The following MAPKAP1 variants were observed in gnomAD, a reference collection of about 807,000 sequenced individuals.
The protein encoded by MAPKAP1 is MAPK associated protein 1.
A neutral mutation model predicts 65.7 loss-of-function variants in MAPKAP1; 20 were observed. That is an observed-to-expected ratio of 0.30 (90% confidence interval 0.21 to 0.44). The LOEUF (loss-of-function observed/expected upper bound fraction) is 0.44, where lower values mean the gene tolerates loss of function less well. Among genes scored for constraint, MAPKAP1 ranks in the 20% least tolerant of loss-of-function variants. The pLI is 1.00. For missense variants in MAPKAP1, 423 were observed against 648.0 expected, an observed-to-expected ratio of 0.65 and a Z score of 3.77; for synonymous variants, 222 against 244.3, an observed-to-expected ratio of 0.91 and a Z score of 0.85.
At chr9:125,484,817 G>A (rs969795596) in intron 8 of MAPKAP1, among the ~76,000 whole-genome samples, 3 of 152,152 alleles carry the variant, frequency 2.0e-5, no homozygotes, top group East Asian at 3.8e-4. Flanking sequence ...CAGCAGGGAT[G>A]CAAGGATAAA....
At position 125,548,441 on chromosome 9, in the gene MAPKAP1, G is replaced by A. The variant is rs1830492440; in HGVS notation, c.849-5273C>T. On this transcript the variant is annotated intron_variant, in intron 6 of 11. Transcript: ENST00000265960. ...ATCATTTAGCTCTAAACCATGCTAG[G>A]AGAGACGGTGGCAGCACCAGAAGGC... is the stretch of plus-strand genomic sequence containing the variant. Among the ~76,000 whole-genome samples the A allele has an allele frequency of 3.9e-5, 6 of 152,216 alleles. No individual in the cohort carries two copies. In the South Asian group the frequency reaches 1.2e-3, roughly 32 times the overall value.
chr9:125,530,293 T>C (rs1219828069), intron 7 of MAPKAP1, among the ~76,000 whole-genome samples: 1 of 152,236 alleles, frequency 6.6e-6, no homozygotes, highest in East Asian at 1.9e-4. Flanking sequence ...AGACTCTTCA[T>C]GGAGGCTGGA....
chr9:125,601,075 T>A (rs958778799), intron 4 of MAPKAP1, among the ~76,000 whole-genome samples: 1 of 152,162 alleles, frequency 6.6e-6, no homozygotes, highest in Non-Finnish European at 1.5e-5. Context: ...CATAATATAA[T>A]GAGTCTTGAA....
intron 1 of MAPKAP1, among the ~76,000 whole-genome samples, chr9:125,679,324 A>G (rs1162693596): frequency 1.3e-5 from 2 of 152,122 alleles, no homozygotes; most frequent in African/African-American, 2.4e-5. Flanking sequence ...TTAAAAGCCT[A>G]TTGTACTCAT....
chr9:125,577,972 G>A (rs1251118235), intron 5 of MAPKAP1, among the ~76,000 whole-genome samples: 6 of 151,840 alleles, frequency 4.0e-5, no homozygotes, highest in East Asian at 2.0e-4. Flanking sequence ...TGACAATGGC[G>A]GTTTTGTGGA....
rs780500354 is a variant in MAPKAP1, at chr9:125,576,480, CTCTCCCTCTCCCTCTCCCTCTCCCCACGG to C, written c.671+9046_671+9074del. ...ATTTTTTTAAAAAAACGAAGCATAG[CTCTCCCTCTCCCTCTCCCTCTCCCCACGG>C]TCTCCCTCTCCCTCTCCCCACGGTC... On this transcript the variant is annotated intron_variant, in intron 5 of 11. Transcript: ENST00000265960. Among the ~76,000 whole-genome samples, 500 of 148,838 alleles carry C rather than the reference CTCTCCCTCTCCCTCTCCCTCTCCCCACGG, an allele frequency of 3.4e-3. 2 individuals carry two copies. Among genetic ancestry groups the C allele is most frequent in the Middle Eastern group, 6.9e-3 (2 of 288 alleles).
chr9:125,458,259 C>T (rs1026228029), intron 10 of MAPKAP1, among the ~76,000 whole-genome samples: 2 of 145,766 alleles, frequency 1.4e-5, no homozygotes, highest in South Asian at 2.3e-4. Context: ...GGGTGTTTCT[C>T]GCAGAGTGGG....
chr9:125,565,596 C>A, intron 5 of MAPKAP1: 1 of 331,520 alleles, frequency 3.0e-6, no homozygotes, highest in South Asian at 2.6e-5. Context: ...ATGAGGATTG[C>A]AGCTCAGAAG....
intron 7 of MAPKAP1, among the ~76,000 whole-genome samples, chr9:125,536,585 T>TATTCATTCATTCATTCATTCATTCATTC (rs6151178): frequency 5.3e-5 from 8 of 151,612 alleles, no homozygotes; most frequent in African/African-American, 9.7e-5. Flanking sequence ...ATTTTCCATT[T>TATTCATTCATTCATTCATTCATTCATTC]ATTCATTCAT....
chr9:125,545,567 A>T (rs1830398935), intron 6 of MAPKAP1, among the ~76,000 whole-genome samples: 1 of 152,226 alleles, frequency 6.6e-6, no homozygotes, highest in Non-Finnish European at 1.5e-5. Flanking sequence ...GAACTACTGT[A>T]GATTTCAGTC....
intron 5 of MAPKAP1, among the ~76,000 whole-genome samples, chr9:125,564,220 A>G (rs934303567): frequency 3.9e-5 from 6 of 152,264 alleles, no homozygotes; most frequent in African/African-American, 1.4e-4. Flanking sequence ...TAGTCCATCA[A>G]GATATGAATA....
intron 7 of MAPKAP1, among the ~76,000 whole-genome samples, chr9:125,525,799 A>G (rs1183995200): frequency 1.3e-5 from 2 of 152,088 alleles, no homozygotes; most frequent in South Asian, 4.1e-4. Context: ...AGTTAAGGCT[A>G]TCAACCAGAA....
intron 4 of MAPKAP1, among the ~76,000 whole-genome samples, chr9:125,625,247 TAAA>T (rs1833072569): frequency 8.9e-5 from 1 of 11,194 alleles, no homozygotes; most frequent in Non-Finnish European, 2.3e-4. Context: ...AAAAAAAAAA[TAAA>T]TAAATAAAAA....
intron 1 of MAPKAP1, among the ~76,000 whole-genome samples, chr9:125,679,211 A>G (rs2131818489): frequency 6.6e-6 from 1 of 152,278 alleles, no homozygotes; most frequent in East Asian, 1.9e-4. Context: ...TATGTTGGCC[A>G]GGCTGGTCTC....
At chr9:125,622,656 G>A (rs1323234427) in intron 4 of MAPKAP1, among the ~76,000 whole-genome samples, 3 of 152,150 alleles carry the variant, frequency 2.0e-5, no homozygotes, top group African/African-American at 7.2e-5. Context: ...ACGTTGGCCA[G>A]GCTGGTCTCA....
chr9:125,644,241 T>C (rs1833661603), intron 4 of MAPKAP1, among the ~76,000 whole-genome samples: 1 of 152,138 alleles, frequency 6.6e-6, no homozygotes, highest in Non-Finnish European at 1.5e-5. Context: ...ACCAGGATGG[T>C]CCAAGACAAC....
chr9:125,510,747 T>C (rs1327415201), intron 7 of MAPKAP1, among the ~76,000 whole-genome samples: 2 of 152,216 alleles, frequency 1.3e-5, no homozygotes, highest in Non-Finnish European at 2.9e-5. Flanking sequence ...TAAATCCAAA[T>C]GGAAAACTGC....
intron 6 of MAPKAP1, among the ~76,000 whole-genome samples, chr9:125,558,629 G>A (rs551955527): frequency 6.6e-6 from 1 of 152,102 alleles, no homozygotes; most frequent in Non-Finnish European, 1.5e-5. Flanking sequence ...TAACAGCAGG[G>A]GGTGCCAAAG....
At chr9:125,529,158 G>C (rs1470043021) in intron 7 of MAPKAP1, among the ~76,000 whole-genome samples, 4 of 125,322 alleles carry the variant, frequency 3.2e-5, no homozygotes, top group Non-Finnish European at 6.4e-5. Context: ...TGGGCAAAAT[G>C]AGTGAAACTC....
Sources: gnomAD v4.1 joint callset for allele counts (sites outside exome capture counted in the v4.1 genomes callset) on GRCh38, gnomAD v4.1.1 for gene constraint, MANE v1.5 for transcripts, NCBI Gene and HGNC (gene_info 2026-07-23, HGNC 2026-07-21) for gene names.